Variants in DOK6 observed in about 807,000 individuals in gnomAD.
DOK6 encodes downstream of tyrosine kinase 6.
In DOK6, 22 loss-of-function variants were observed where a neutral mutation model predicts 44.0. The ratio of observed to expected loss-of-function variants is 0.50; its 90% CI spans 0.36 to 0.71. The LOEUF (loss-of-function observed/expected upper bound fraction) is 0.71, where lower values mean the gene tolerates loss of function less well. Ranked by LOEUF, DOK6 falls within the 30% of genes least tolerant of loss-of-function variation. The pLI is 0.00. For synonymous variants in DOK6, 166 were observed against 145.5 expected (o/e 1.14, Z -1.01); for missense variants, 340 against 416.4 (o/e 0.82, Z 1.60).
At chr18:69,676,337 C>T (rs1985921618) in intron 3 of DOK6, among the ~76,000 whole-genome samples, 1 of 152,172 alleles carries the variant, frequency 6.6e-6, no homozygotes, top group African/African-American at 2.4e-5. Context: ...AATTTGTCTT[C>T]ACATCTCATT....
intron 7 of DOK6, among the ~76,000 whole-genome samples, chr18:69,831,734 T>C (rs1489206346): frequency 6.6e-6 from 1 of 152,176 alleles, no homozygotes; most frequent in African/African-American, 2.4e-5. Context: ...AGAAGCACTC[T>C]AGGAGAGCAC....
intron 2 of DOK6, among the ~76,000 whole-genome samples, chr18:69,572,246 G>A (rs181182906): frequency 3.9e-5 from 6 of 152,122 alleles, no homozygotes; most frequent in East Asian, 3.9e-4. Context: ...GTGTAAAAAC[G>A]GACAGGACTT....
At chr18:69,678,233 A>C (rs554450789) in intron 4 of DOK6, among the ~76,000 whole-genome samples, 1 of 152,280 alleles carries the variant, frequency 6.6e-6, no homozygotes, top group South Asian at 2.1e-4. Context: ...TGGACAACAG[A>C]GTAAGACCCT....
chr18:69,659,028 TGCAG>T (rs1568324893), intron 3 of DOK6, among the ~76,000 whole-genome samples: 1 of 152,218 alleles, frequency 6.6e-6, no homozygotes, highest in Non-Finnish European at 1.5e-5. Flanking sequence ...TAAAATCAAA[TGCAG>T]GCAAATTGAA....
intron 5 of DOK6, among the ~76,000 whole-genome samples, chr18:69,722,040 C>T (rs561604481): frequency 1.5e-4 from 23 of 152,162 alleles, no homozygotes; most frequent in Admixed American, 9.8e-4. Flanking sequence ...CGTGGGAAAC[C>T]GAAACCTCCC....
intron 1 of DOK6, among the ~76,000 whole-genome samples, chr18:69,527,506 T>C (rs1365632515): frequency 1.3e-5 from 2 of 152,196 alleles, no homozygotes; most frequent in African/African-American, 2.4e-5. Context: ...TGGTGGTAAC[T>C]GCCCCCGTGA....
At chr18:69,526,316 A>G (rs889247315) in intron 1 of DOK6, among the ~76,000 whole-genome samples, 1 of 152,172 alleles carries the variant, frequency 6.6e-6, no homozygotes, top group Non-Finnish European at 1.5e-5. Flanking sequence ...CATTTCATAT[A>G]AATGGAATGT....
intron 1 of DOK6, among the ~76,000 whole-genome samples, chr18:69,528,701 T>C (rs937946354): frequency 6.6e-6 from 1 of 152,242 alleles, no homozygotes; most frequent in African/African-American, 2.4e-5. Flanking sequence ...CCATCATCCA[T>C]GACGTAGCTC....
intron 4 of DOK6, among the ~76,000 whole-genome samples, chr18:69,689,687 T>C (rs1348086148): frequency 2.6e-5 from 4 of 152,122 alleles, no homozygotes; most frequent in Non-Finnish European, 2.9e-5. Context: ...TTAAAAATTA[T>C]CTAAAATTTA....
intron 5 of DOK6, among the ~76,000 whole-genome samples, chr18:69,727,752 C>T (rs1487013310): frequency 6.6e-6 from 1 of 152,154 alleles, no homozygotes; most frequent in African/African-American, 2.4e-5. Context: ...TTAACACAAC[C>T]TGATTCAGTT....
intron 1 of DOK6, among the ~76,000 whole-genome samples, chr18:69,560,757 T>C (rs1316689293): frequency 1.3e-5 from 2 of 152,146 alleles, no homozygotes; most frequent in Admixed American, 6.6e-5. Context: ...TTTACATACT[T>C]AATTTTTTAA....
intron 1 of DOK6, among the ~76,000 whole-genome samples, chr18:69,449,145 GT>G (rs1250223203): frequency 6.6e-6 from 1 of 152,158 alleles, no homozygotes; most frequent in African/African-American, 2.4e-5. Context: ...TTAATTACTA[GT>G]TTTTGTTATT....
intron 4 of DOK6, among the ~76,000 whole-genome samples, chr18:69,698,168 C>T (rs1055461522): frequency 1.3e-4 from 20 of 152,202 alleles, no homozygotes; most frequent in African/African-American, 3.4e-4. Context: ...ATAGACAATA[C>T]ATGCAATGAA....
chr18:69,760,064 G>A (rs1331245926), intron 7 of DOK6, among the ~76,000 whole-genome samples: 4 of 152,140 alleles, frequency 2.6e-5, no homozygotes, highest in African/African-American at 9.7e-5. Context: ...ATGGTTGATA[G>A]TAGGCAGGCA....
intron 4 of DOK6, among the ~76,000 whole-genome samples, chr18:69,684,009 G>A (rs566874078): frequency 3.3e-5 from 5 of 152,222 alleles, no homozygotes; most frequent in African/African-American, 1.2e-4. Flanking sequence ...TTATCTACAG[G>A]GAAAGCTGAA....
At chr18:69,608,747 C>T (rs1009638736) in intron 3 of DOK6, among the ~76,000 whole-genome samples, 2 of 151,810 alleles carry the variant, frequency 1.3e-5, no homozygotes, top group East Asian at 1.9e-4. Context: ...GTCAGGAATT[C>T]GAGACCAGCC....
At chr18:69,804,948 G>A (rs971420060) in intron 7 of DOK6, among the ~76,000 whole-genome samples, 5 of 152,242 alleles carry the variant, frequency 3.3e-5, no homozygotes, top group African/African-American at 7.2e-5. Context: ...AATAACGTAC[G>A]AAGGAATATG....
intron 3 of DOK6, among the ~76,000 whole-genome samples, chr18:69,600,391 T>C (rs1268016454): frequency 1.3e-5 from 2 of 152,194 alleles, no homozygotes; most frequent in Non-Finnish European, 2.9e-5. Flanking sequence ...GGAATTTATC[T>C]CCGTGTTCCT....
intron 1 of DOK6, among the ~76,000 whole-genome samples, chr18:69,472,681 C>T (rs1027166106): frequency 4.6e-5 from 7 of 152,082 alleles, no homozygotes; most frequent in Non-Finnish European, 8.8e-5. Context: ...CACACAAGCA[C>T]GCACACACAT....
Sources: gnomAD v4.1 joint callset for allele counts (sites outside exome capture counted in the v4.1 genomes callset) on GRCh38, gnomAD v4.1.1 for gene constraint, MANE v1.5 for transcripts, NCBI Gene and HGNC (gene_info 2026-07-23, HGNC 2026-07-21) for gene names.